Variants in GALNT13 observed in about 807,000 individuals in gnomAD.
GALNT13 encodes polypeptide N-acetylgalactosaminyltransferase 13.
Under a neutral mutation model 64.2 loss-of-function variants are expected in GALNT13, and 28 were observed. That is an observed-to-expected ratio of 0.44 (90% confidence interval 0.32 to 0.60). GALNT13 has a LOEUF of 0.60. Among genes scored for constraint, GALNT13 ranks in the 20% least tolerant of loss-of-function variants. The probability of loss-of-function intolerance (pLI) is 0.05; values close to 1 mark genes in which losing one functional copy is unlikely to be tolerated. For synonymous variants in GALNT13, 214 were observed against 224.6 expected (o/e 0.95, Z 0.42); for missense variants, 577 against 669.8 (o/e 0.86, Z 1.53).
At chr2:153,461,016 G>A in the GALNT13 span, among the ~76,000 whole-genome samples, 4 of 152,162 alleles carry the variant, frequency 2.6e-5, no homozygotes, top group African/African-American at 4.8e-5. Flanking sequence ...GAGTTGTGGC[G>A]TATACACTTT....
the GALNT13 span, among the ~76,000 whole-genome samples, chr2:153,665,792 C>T: frequency 2.0e-5 from 3 of 151,952 alleles, no homozygotes; most frequent in African/African-American, 2.4e-5. Context: ...GAATCCTAGC[C>T]GCAGGAGATC....
At chr2:153,855,005 A>G in the GALNT13 span, among the ~76,000 whole-genome samples, 3 of 152,202 alleles carry the variant, frequency 2.0e-5, no homozygotes. Context: ...ACGTGTATAT[A>G]AACAAGCCTA....
the GALNT13 span, among the ~76,000 whole-genome samples, chr2:153,780,242 T>G: frequency 1.4e-4 from 11 of 78,504 alleles, no homozygotes; most frequent in South Asian, 3.1e-4. Context: ...TATATATATA[T>G]ATATATATAT....
chr2:154,034,325 A>G (rs973409349), intron 3 of GALNT13, among the ~76,000 whole-genome samples: 1 of 152,194 alleles, frequency 6.6e-6, no homozygotes, highest in Non-Finnish European at 1.5e-5. Context: ...ACAGGGTAAC[A>G]AACTACATTT....
At position 154,014,635 on chromosome 2, in the gene GALNT13, C is replaced by CTTTTTTTTTTTTTTTTTTTT. The variant is rs60950180; in HGVS notation, c.142+70011_142+70012insTTTTTTTTTTTTTTTTTTTT. ...ACTTTTTGTCTTTCTGATAATTCTC[C>CTTTTTTTTTTTTTTTTTTTT]TTTTTTTTTTTTTTTGAGACGGAGT... On this transcript the variant is annotated intron_variant, in intron 3 of 12. Coordinates refer to ENST00000392825, the MANE Select transcript of GALNT13 (RefSeq NM_052917.4). 5.2e-4 allele frequency among the ~76,000 whole-genome samples: 40 copies of CTTTTTTTTTTTTTTTTTTTT among 77,222 alleles called. 3 individuals are homozygous for CTTTTTTTTTTTTTTTTTTTT. Among genetic ancestry groups the CTTTTTTTTTTTTTTTTTTTT allele is most frequent in the Non-Finnish European group, 6.2e-4 (23 of 37,108 alleles). 50.7% of individuals were successfully genotyped at this position (77,222 alleles called of 152,430 possible).
chr2:153,455,364 C>T, the GALNT13 span, among the ~76,000 whole-genome samples: 1 of 152,202 alleles, frequency 6.6e-6, no homozygotes, highest in Non-Finnish European at 1.5e-5. Flanking sequence ...GTGGGACTTG[C>T]CCCAGGGGTG....
At chr2:153,231,051 A>G in the GALNT13 span, among the ~76,000 whole-genome samples, 1 of 152,118 alleles carries the variant, frequency 6.6e-6, no homozygotes, top group East Asian at 1.9e-4. Context: ...ATGCTCCTCC[A>G]CTATTTTGCA....
the GALNT13 span, among the ~76,000 whole-genome samples, chr2:153,851,587 C>A: frequency 6.6e-6 from 1 of 151,448 alleles, no homozygotes; most frequent in Non-Finnish European, 1.5e-5. Context: ...CACCTGTAGT[C>A]GCAGCTACTT....
the GALNT13 span, among the ~76,000 whole-genome samples, chr2:153,557,856 C>T: frequency 1.3e-5 from 2 of 152,134 alleles, no homozygotes; most frequent in Non-Finnish European, 2.9e-5. Context: ...TTTAGCTGCA[C>T]CTTTATTCCC....
At chr2:153,854,981 C>A in the GALNT13 span, among the ~76,000 whole-genome samples, 2 of 152,002 alleles carry the variant, frequency 1.3e-5, no homozygotes, top group Admixed American at 6.6e-5. Context: ...GATATAAATT[C>A]CATAAATGAG....
At chr2:154,390,991 C>T (rs1423981256) in intron 9 of GALNT13, among the ~76,000 whole-genome samples, 1 of 152,204 alleles carries the variant, frequency 6.6e-6, no homozygotes, top group Non-Finnish European at 1.5e-5. Flanking sequence ...TTGTACAGAG[C>T]TTGACCACAG....
the GALNT13 span, among the ~76,000 whole-genome samples, chr2:153,673,273 C>A: frequency 6.6e-6 from 1 of 152,130 alleles, no homozygotes; most frequent in Non-Finnish European, 1.5e-5. Context: ...AATTTTAGAA[C>A]AATATCCCTG....
chr2:153,072,379 T>C, the GALNT13 span, among the ~76,000 whole-genome samples: 2 of 152,128 alleles, frequency 1.3e-5, no homozygotes, highest in African/African-American at 4.8e-5. Context: ...CTCAGTTAAT[T>C]TCTAAGTTTA....
chr2:153,976,172 A>T (rs948475517), intron 3 of GALNT13, among the ~76,000 whole-genome samples: 2 of 152,104 alleles, frequency 1.3e-5, no homozygotes, highest in Admixed American at 1.3e-4. Flanking sequence ...ATGTTCTATA[A>T]AAGTGAAAAT....
At chr2:154,273,973 A>AGAAG (rs1559061614) in intron 8 of GALNT13, among the ~76,000 whole-genome samples, 1 of 152,118 alleles carries the variant, frequency 6.6e-6, no homozygotes, top group Non-Finnish European at 1.5e-5. Flanking sequence ...TAAATATATA[A>AGAAG]GAAGGTTTTT....
intron 2 of GALNT13, among the ~76,000 whole-genome samples, chr2:153,905,168 A>C (rs1459701960): frequency 2.0e-5 from 3 of 151,976 alleles, no homozygotes; most frequent in African/African-American, 7.2e-5. Flanking sequence ...AGTTAACAAG[A>C]ATAATTGTTT....
At chr2:153,222,427 A>G in the GALNT13 span, among the ~76,000 whole-genome samples, 1 of 50,348 alleles carries the variant, frequency 2.0e-5, no homozygotes, top group Non-Finnish European at 4.0e-5. Context: ...AAGCACCTTA[A>G]GTTCTCACTC....
chr2:153,365,807 G>T, the GALNT13 span, among the ~76,000 whole-genome samples: 1 of 152,144 alleles, frequency 6.6e-6, no homozygotes, highest in Non-Finnish European at 1.5e-5. Context: ...ATGTAAATTA[G>T]TTCAACCATT....
the GALNT13 span, among the ~76,000 whole-genome samples, chr2:153,684,015 A>G: frequency 6.6e-6 from 1 of 151,528 alleles, no homozygotes; most frequent in African/African-American, 2.4e-5. Flanking sequence ...TGGGAATTTC[A>G]GGGAAATTAG....
Sources: allele counts gnomAD v4.1 joint callset (sites outside exome capture counted in the v4.1 genomes callset), GRCh38; gene constraint gnomAD v4.1.1; transcripts MANE v1.5; gene names NCBI Gene and HGNC (gene_info 2026-07-23, HGNC 2026-07-21).